Variants in CADPS observed in about 807,000 individuals in gnomAD.
The protein encoded by CADPS is calcium-dependent secretion activator 1.
A neutral mutation model predicts 167.3 loss-of-function variants in CADPS; 57 were observed. The observed-to-expected ratio is 0.34, with a 90% CI of 0.28 to 0.42. CADPS has a LOEUF of 0.42. Ranked by LOEUF, CADPS falls within the 20% of genes least tolerant of loss-of-function variation. The probability of loss-of-function intolerance (pLI) is 1.00; values close to 1 mark genes in which losing one functional copy is unlikely to be tolerated. For synonymous variants in CADPS, 676 were observed against 635.3 expected (o/e 1.06, Z -0.96); for missense variants, 1,414 against 1,738.1 (o/e 0.81, Z 3.32).
At chr3:62,645,634 GA>G in intron 6 of CADPS, 87 bp downstream of exon 6, 1 of 1,413,396 alleles carries the variant, frequency 7.1e-7, no homozygotes, top group Non-Finnish European at 9.8e-7. Context: ...ATCTTCTGGG[GA>G]AACCAGATCT....
At position 62,491,484 on chromosome 3, in the gene CADPS, G is replaced by A. The variant is rs1275200490; in HGVS notation, c.2885-4C>T. 6.2e-7 allele frequency: 1 copy of A among 1,611,878 alleles called. No homozygotes were observed. The highest frequency in any genetic ancestry group is 1.1e-5 in the South Asian group (1 of 90,922). On this transcript the variant is annotated splice_region_variant and splice_polypyrimidine_tract_variant and intron_variant, in intron 20 of 29. Transcript: ENST00000383710. The stretch of plus-strand genomic sequence containing the variant: ...AATTTTCCATTGCACAAATTATCTA[G>A]AACAGATAAGCAAAAGCTTGTTAAG...
At chr3:62,697,637 G>A (rs548672990) in intron 3 of CADPS, among the ~76,000 whole-genome samples, 1 of 151,996 alleles carries the variant, frequency 6.6e-6, no homozygotes, top group Non-Finnish European at 1.5e-5. Context: ...TGGGATTGCT[G>A]GATCAAATGC....
chr3:62,672,098 C>T (rs1178382877), intron 3 of CADPS, among the ~76,000 whole-genome samples: 10 of 151,998 alleles, frequency 6.6e-5, no homozygotes, highest in Admixed American at 2.6e-4. Flanking sequence ...TAAAACCCTC[C>T]GAGTGATTCC....
chr3:62,670,315 T>C (rs1286817890), intron 3 of CADPS, among the ~76,000 whole-genome samples: 1 of 152,282 alleles, frequency 6.6e-6, no homozygotes, highest in African/African-American at 2.4e-5. Context: ...TCAGGGTTAT[T>C]TGTAGAAAGA....
At chr3:62,443,473 G>C (rs1156412874) in intron 27 of CADPS, among the ~76,000 whole-genome samples, 1 of 151,994 alleles carries the variant, frequency 6.6e-6, no homozygotes, top group African/African-American at 2.4e-5. Context: ...ATATGGTTTG[G>C]CTGTGTCCCC....
rs987713849 is a variant in CADPS at position 62,752,743 on chromosome 3, T to C, written c.888+698A>G. 2.4e-4 allele frequency among the ~76,000 whole-genome samples: 37 copies of C among 152,242 alleles called. 1 individual carries two copies. The highest frequency in any genetic ancestry group is 2.0e-3 in the Admixed American group (30 of 15,270). On this transcript the variant is annotated intron_variant, in intron 3 of 29. Transcript: ENST00000383710. ...AGGGCTAGCAGCTGGGAATGTGCAT[T>C]TTTAAATTGCTCCTAAGAGACATCC...
chr3:62,445,461 A>G (rs966751372), intron 27 of CADPS, among the ~76,000 whole-genome samples: 2 of 152,178 alleles, frequency 1.3e-5, no homozygotes, highest in Non-Finnish European at 2.9e-5. Context: ...GTTGGTGAAC[A>G]TGATGAAAAC....
chr3:62,473,687 T>A (rs1345158411), intron 24 of CADPS: 1 of 152,158 alleles, frequency 6.6e-6, no homozygotes, highest in African/African-American at 2.4e-5. Context: ...TCTGCAATTT[T>A]TTTTTTCTTT....
rs1397118901 is a variant in CADPS, at chr3:62,704,580, C to T, written c.889-42186G>A. On this transcript the variant is annotated intron_variant, in intron 3 of 29. Coordinates refer to ENST00000383710, the MANE Select transcript of CADPS (RefSeq NM_003716.4). ...TACCTGGCTGGCTTCCTTTCTTCTG[C>T]CCACTCTGCATTGGACTTTGTCATG... Among the ~76,000 whole-genome samples, 8 of 152,238 alleles carry T rather than the reference C, an allele frequency of 5.3e-5. No individual in the cohort carries two copies. The East Asian group carries it at 1.2e-3, about 22-fold the overall frequency.
chr3:62,786,112 C>T (rs1244637782), intron 1 of CADPS, among the ~76,000 whole-genome samples: 1 of 152,174 alleles, frequency 6.6e-6, no homozygotes, highest in Admixed American at 6.5e-5. Context: ...ACTCAGGAGG[C>T]TGAGGCACAA....
At chr3:62,435,399 T>C (rs2054794431) in intron 28 of CADPS, among the ~76,000 whole-genome samples, 1 of 152,208 alleles carries the variant, frequency 6.6e-6, no homozygotes, top group African/African-American at 2.4e-5. Flanking sequence ...AACATGTTGG[T>C]AATCTGATGT....
chr3:62,662,836 A>G (rs1181373522), intron 3 of CADPS, among the ~76,000 whole-genome samples: 2 of 152,200 alleles, frequency 1.3e-5, no homozygotes, highest in East Asian at 3.9e-4. Context: ...CCTCTGGACC[A>G]TGGAGGATTA....
chr3:62,853,560 G>T (rs990101518), intron 1 of CADPS, among the ~76,000 whole-genome samples: 3 of 151,372 alleles, frequency 2.0e-5, no homozygotes, highest in African/African-American at 7.3e-5. Flanking sequence ...TTGAGGCGGA[G>T]GTTGCAGTGA....
At chr3:62,689,972 G>C (rs1267756162) in intron 3 of CADPS, among the ~76,000 whole-genome samples, 1 of 152,022 alleles carries the variant, frequency 6.6e-6, no homozygotes, top group Non-Finnish European at 1.5e-5. Context: ...GTTGGACACT[G>C]GGCAAAGCTG....
At position 62,647,281 on chromosome 3, in the gene CADPS, T is replaced by C. The variant is rs1006379081; in HGVS notation, c.1204-1438A>G. 2.0e-4 allele frequency among the ~76,000 whole-genome samples: 31 copies of C among 152,324 alleles called. 1 individual carries two copies. The highest frequency in any genetic ancestry group is 2.0e-3 in the Admixed American group (31 of 15,300). On this transcript the variant is annotated intron_variant, in intron 5 of 29. Transcript: ENST00000383710. ...TCAAGAAAGTACAATAGGGTTAGCA[T>C]TGAACCAGGATTCCACAAGTCACAG...
intron 28 of CADPS, among the ~76,000 whole-genome samples, chr3:62,411,710 T>C (rs911543171): frequency 1.3e-5 from 2 of 152,176 alleles, no homozygotes; most frequent in African/African-American, 2.4e-5. Context: ...TAATCAAAGA[T>C]TCACAGAGGG....
rs182891218 is a variant in CADPS at position 62,514,244 on chromosome 3, G to C, written c.2582-1476C>G. On this transcript the variant is annotated intron_variant, in intron 16 of 29. Transcript: ENST00000383710. This position sits in a 1 kb window ranked among gnomAD's most constrained non-coding sequence, Gnocchi z 4.2. The stretch of plus-strand genomic sequence containing the variant: ...GTAGTAATATCTTTCAGGCTGCAAT[G>C]TCTCAGCCTATGGTGGACTATGTTC... Among the ~76,000 whole-genome samples the C allele has an allele frequency of 1.3e-5, 2 of 152,176 alleles. No homozygotes were observed. The highest frequency in any genetic ancestry group is 2.9e-5 in the Non-Finnish European group (2 of 67,966).
chr3:62,855,083 C>A (rs1298110025), intron 1 of CADPS, among the ~76,000 whole-genome samples: 1 of 68,292 alleles, frequency 1.5e-5, no homozygotes, highest in Admixed American at 1.4e-4. Context: ...TGCCATCATG[C>A]CCGGCTAATT....
chr3:62,866,180 G>A (rs182288708), intron 1 of CADPS, among the ~76,000 whole-genome samples: 91 of 152,098 alleles, frequency 6.0e-4, no homozygotes, highest in Non-Finnish European at 1.2e-3. Flanking sequence ...TCACTTTTTG[G>A]TATTAACAAA....
Sources: allele counts gnomAD v4.1 joint callset (sites outside exome capture counted in the v4.1 genomes callset), GRCh38; gene constraint gnomAD v4.1.1; non-coding constraint Gnocchi (gnomAD v3.1); transcripts MANE v1.5; gene names NCBI Gene and HGNC (gene_info 2026-07-23, HGNC 2026-07-21).